SLC44A5: variants seen among roughly 807,000 people sequenced by gnomAD.
SLC44A5 encodes solute carrier family 44 member 5.
Under a neutral mutation model 101.8 loss-of-function variants are expected in SLC44A5, and 57 were observed. The ratio of observed to expected loss-of-function variants is 0.56; its 90% CI spans 0.45 to 0.70. The LOEUF is 0.70. Ranked by LOEUF, SLC44A5 falls within the 30% of genes least tolerant of loss-of-function variation. The pLI is 0.00. For synonymous variants in SLC44A5, 281 were observed against 290.9 expected, an observed-to-expected ratio of 0.97 and a Z score of 0.35; for missense variants, 737 against 853.1, an observed-to-expected ratio of 0.86 and a Z score of 1.70.
chr1:75,430,633 T>C (rs1283925191), intron 2 of SLC44A5, among the ~76,000 whole-genome samples: 1 of 152,180 alleles, frequency 6.6e-6, no homozygotes, highest in African/African-American at 2.4e-5. Flanking sequence ...CCTCAGACTT[T>C]AATATGAAGG....
At chr1:75,340,206 G>A (rs746964928) in intron 3 of SLC44A5, among the ~76,000 whole-genome samples, 8 of 152,136 alleles carry the variant, frequency 5.3e-5, no homozygotes, top group Non-Finnish European at 2.9e-5. Flanking sequence ...ATCTGGGAAG[G>A]TGCCCTTGTC....
intron 7 of SLC44A5, among the ~76,000 whole-genome samples, chr1:75,248,161 A>G (rs1412099411): frequency 6.6e-6 from 1 of 152,142 alleles, no homozygotes. Flanking sequence ...TAAGTAAAAA[A>G]GGATAGAAAG....
At chr1:75,641,451 TA>T in the SLC44A5 span, 1 of 1,358,690 alleles carries the variant, frequency 7.4e-7, no homozygotes, top group African/African-American at 1.4e-5. Context: ...CCAATCTTTC[TA>T]AAGAGTCTTT....
At chr1:75,464,695 C>T (rs1666716081) in intron 2 of SLC44A5, among the ~76,000 whole-genome samples, 1 of 151,930 alleles carries the variant, frequency 6.6e-6, no homozygotes, top group African/African-American at 2.4e-5. Context: ...AAAAGATATC[C>T]CATGCTATTG....
At chr1:75,293,653 G>A (rs1038735279) in intron 5 of SLC44A5, among the ~76,000 whole-genome samples, 1 of 152,186 alleles carries the variant, frequency 6.6e-6, no homozygotes, top group African/African-American at 2.4e-5. Flanking sequence ...AACATTTTTG[G>A]AAGCAGTCCT....
the SLC44A5 span, among the ~76,000 whole-genome samples, chr1:75,679,866 C>T: frequency 3.2e-4 from 48 of 152,066 alleles, no homozygotes; most frequent in Non-Finnish European, 6.2e-4. Context: ...TTCAGGAAAC[C>T]CATCTCACGT....
At chr1:75,420,017 T>G (rs1192517951) in intron 2 of SLC44A5, among the ~76,000 whole-genome samples, 1 of 152,060 alleles carries the variant, frequency 6.6e-6, no homozygotes, top group East Asian at 1.9e-4. Flanking sequence ...ATAAGGCCTT[T>G]GGGAGGTGAT....
chr1:75,614,668 C>A (rs941677253), upstream of SLC44A5, among the ~76,000 whole-genome samples: 1 of 152,200 alleles, frequency 6.6e-6, no homozygotes, highest in African/African-American at 2.4e-5. Context: ...CCCTTCACCC[C>A]TCAGTTCTCA....
intron 3 of SLC44A5, among the ~76,000 whole-genome samples, chr1:75,358,904 AC>A (rs1335987193): frequency 6.6e-6 from 1 of 152,136 alleles, no homozygotes; most frequent in Non-Finnish European, 1.5e-5. Flanking sequence ...TGACTTAGTC[AC>A]CCTGCTGTGC....
At chr1:75,570,836 G>A (rs1380354194) in intron 1 of SLC44A5, among the ~76,000 whole-genome samples, 3 of 152,002 alleles carry the variant, frequency 2.0e-5, no homozygotes, top group Non-Finnish European at 4.4e-5. Context: ...AAAAAAATAA[G>A]ACAGTACGTT....
chr1:75,429,128 C>T (rs945616553), intron 2 of SLC44A5, among the ~76,000 whole-genome samples: 3 of 152,188 alleles, frequency 2.0e-5, no homozygotes, highest in Non-Finnish European at 2.9e-5. Context: ...GAACTCACTG[C>T]CAATTTCAGC....
chr1:75,237,087 G>T lies in SLC44A5; in HGVS notation c.657-17C>A. On this transcript the variant is annotated splice_polypyrimidine_tract_variant and intron_variant, in intron 10 of 23. Transcript: ENST00000370859. ...TTGATACCACTGCATTGAAAGAAGG[G>T]AAAAAATCAATTATTTTTTGATGAC... 1 of 1,510,530 alleles carries T rather than the reference G, an allele frequency of 6.6e-7. No individual in the cohort carries two copies. Among genetic ancestry groups the T allele is most frequent in the Non-Finnish European group, 9.2e-7 (1 of 1,091,720 alleles). 93.6% of individuals were successfully genotyped at this position (1,510,530 alleles called of 1,614,324 possible). A position where few individuals can be genotyped will look rare whatever the true frequency, so the allele number is the denominator to read the frequency against.
At chr1:75,260,091 C>T (rs1325127970) in intron 6 of SLC44A5, among the ~76,000 whole-genome samples, 1 of 152,114 alleles carries the variant, frequency 6.6e-6, no homozygotes, top group Non-Finnish European at 1.5e-5. Flanking sequence ...ATTGTAAAGA[C>T]CATCGATGCT....
intron 1 of SLC44A5, among the ~76,000 whole-genome samples, chr1:75,600,282 T>A (rs1410451193): frequency 6.6e-6 from 1 of 152,032 alleles, no homozygotes; most frequent in African/African-American, 2.4e-5. Context: ...AGTACAACCA[T>A]GAAAATTATA....
chr1:75,702,834 CA>C, the SLC44A5 span, among the ~76,000 whole-genome samples: 1 of 152,090 alleles, frequency 6.6e-6, no homozygotes, highest in South Asian at 2.1e-4. Context: ...ACAACCCCAT[CA>C]AAAAGTGGGC....
chr1:75,317,321 G>T (rs1454289587), intron 4 of SLC44A5, among the ~76,000 whole-genome samples: 1 of 152,200 alleles, frequency 6.6e-6, no homozygotes, highest in Non-Finnish European at 1.5e-5. Flanking sequence ...GCCTCAGCCA[G>T]TTTCCCCACA....
chr1:75,495,535 C>G lies in SLC44A5; in HGVS notation c.13+45900G>C, dbSNP rs190379224. 3.9e-4 allele frequency among the ~76,000 whole-genome samples: 59 copies of G among 151,620 alleles called. 1 individual carries two copies. Among genetic ancestry groups the G allele is most frequent in the African/African-American group, 1.4e-3 (59 of 41,368 alleles). ...ATAATGTATGAACAAAGTGAGAATT[C>G]CAGCAAAGAAACAGAAAACAGAAAA... is the stretch of plus-strand genomic sequence containing the variant. On this transcript the variant is annotated intron_variant, in intron 2 of 23. Coordinates refer to ENST00000370859, the MANE Select transcript of SLC44A5 (RefSeq NM_001130058.2).
intron 18 of SLC44A5, among the ~76,000 whole-genome samples, chr1:75,217,386 T>C (rs1646984380): frequency 6.6e-6 from 1 of 152,098 alleles, no homozygotes; most frequent in African/African-American, 2.4e-5. Context: ...TTTTCAAGTC[T>C]TTTTCCAATA....
chr1:75,219,381 T>C, intron 15 of SLC44A5, 37 bp from the exon 16 acceptor site: 1 of 1,401,414 alleles, frequency 7.1e-7, no homozygotes, highest in Non-Finnish European at 1.0e-6. Flanking sequence ...CATTTGCTGG[T>C]AGATTGAAAA....
Sources: gnomAD v4.1 joint callset for allele counts (sites outside exome capture counted in the v4.1 genomes callset) on GRCh38, gnomAD v4.1.1 for gene constraint, MANE v1.5 for transcripts, NCBI Gene and HGNC (gene_info 2026-07-23, HGNC 2026-07-21) for gene names.